HAPSTR1: variants seen among roughly 807,000 people sequenced by gnomAD.
HAPSTR1 encodes HUWE1 associated protein modifying stress responses.
chr16:9,114,404 TAA>T, the HAPSTR1 span, among the ~76,000 whole-genome samples: 56 of 151,802 alleles, frequency 3.7e-4, no homozygotes, highest in African/African-American at 1.3e-3. Flanking sequence ...AGCAGGAAAC[TAA>T]AATGGAGAGG....
the HAPSTR1 span, chr16:9,112,189 C>T: frequency 6.6e-6 from 1 of 152,180 alleles, no homozygotes; most frequent in Non-Finnish European, 1.5e-5. Context: ...TCCCCTGGTA[C>T]ATCTTAAACA....
the HAPSTR1 span, among the ~76,000 whole-genome samples, chr16:9,097,036 T>G: frequency 6.6e-6 from 1 of 151,788 alleles, no homozygotes; most frequent in Non-Finnish European, 1.5e-5. Context: ...GCCTCCCTGG[T>G]TCAAGCGATT....
chr16:9,104,919 G>T, the HAPSTR1 span: 2 of 152,176 alleles, frequency 1.3e-5, no homozygotes, highest in Non-Finnish European at 2.9e-5. Context: ...TTTATTAAGA[G>T]GGTTGTGGGT....
the HAPSTR1 span, chr16:9,117,238 A>T: frequency 4.2e-6 from 1 of 237,276 alleles, no homozygotes; most frequent in Non-Finnish European, 8.2e-6. Context: ...GAAATATCAG[A>T]TGTTTATTTG....
At chr16:9,100,549 T>C in the HAPSTR1 span, among the ~76,000 whole-genome samples, 1 of 152,188 alleles carries the variant, frequency 6.6e-6, no homozygotes, top group Non-Finnish European at 1.5e-5. Context: ...ATCTTTTTTT[T>C]TTGAGAGAGA....
the HAPSTR1 span, among the ~76,000 whole-genome samples, chr16:9,113,401 T>A: frequency 6.6e-6 from 1 of 152,218 alleles, no homozygotes; most frequent in African/African-American, 2.4e-5. Context: ...ACCAAATTGA[T>A]GTTTAACACA....
chr16:9,092,134 C>G, the HAPSTR1 span: 1 of 1,554,530 alleles, frequency 6.4e-7, no homozygotes, highest in South Asian at 1.2e-5. Context: ...AGTGCCTGGC[C>G]GAGGCCGAAC....
chr16:9,102,901 A>C, the HAPSTR1 span: 1 of 1,429,886 alleles, frequency 7.0e-7, no homozygotes, highest in South Asian at 1.3e-5. Flanking sequence ...CACTTTGGTT[A>C]AATTGTAAAA....
the HAPSTR1 span, among the ~76,000 whole-genome samples, chr16:9,094,420 T>A: frequency 6.6e-6 from 1 of 151,534 alleles, no homozygotes; most frequent in Non-Finnish European, 1.5e-5. Context: ...AATACTTAAT[T>A]AAAAAAAAGG....
At chr16:9,097,269 G>T in the HAPSTR1 span, among the ~76,000 whole-genome samples, 3 of 150,730 alleles carry the variant, frequency 2.0e-5, no homozygotes, top group Non-Finnish European at 4.4e-5. Flanking sequence ...TTGAGACAGG[G>T]TCTCATTCTG....
At chr16:9,092,744 C>A in the HAPSTR1 span, among the ~76,000 whole-genome samples, 27 of 152,074 alleles carry the variant, frequency 1.8e-4, no homozygotes, top group Admixed American at 1.5e-3. Context: ...ACCTCCCTGC[C>A]CCCCCGGTCC....
At chr16:9,091,703 A>G in the HAPSTR1 span, 102 of 399,838 alleles carry the variant, frequency 2.6e-4, no homozygotes, top group African/African-American at 2.0e-3. Context: ...CTCGGCGATC[A>G]GCGGCGGCGG....
the HAPSTR1 span, chr16:9,103,088 A>C: frequency 6.2e-7 from 1 of 1,614,192 alleles, no homozygotes. Context: ...CAGAAGAACT[A>C]TTCGTCGAGA....
At chr16:9,113,342 C>T in the HAPSTR1 span, among the ~76,000 whole-genome samples, 2 of 151,904 alleles carry the variant, frequency 1.3e-5, no homozygotes, top group Non-Finnish European at 2.9e-5. Context: ...AGGTCATACA[C>T]CCAGTAGAAA....
At chr16:9,114,075 T>C in the HAPSTR1 span, among the ~76,000 whole-genome samples, 1 of 152,352 alleles carries the variant, frequency 6.6e-6, no homozygotes, top group African/African-American at 2.4e-5. Flanking sequence ...GACGGTTGAT[T>C]GTACCATGCT....
At chr16:9,092,387 C>T in the HAPSTR1 span, 5 of 957,094 alleles carry the variant, frequency 5.2e-6, no homozygotes, top group Admixed American at 9.1e-5. Flanking sequence ...CTCGGGGATC[C>T]CGGCCGGTGG....
chr16:9,103,540 T>A, the HAPSTR1 span: 2 of 327,442 alleles, frequency 6.1e-6, no homozygotes, highest in Non-Finnish European at 1.1e-5. Flanking sequence ...GCTTTACACT[T>A]ATGTGTTGTA....
At chr16:9,093,126 T>G in the HAPSTR1 span, 1 of 960,142 alleles carries the variant, frequency 1.0e-6, no homozygotes, top group Non-Finnish European at 1.6e-6. Context: ...CCTTGCAACT[T>G]GAGAATCGCG....
At chr16:9,095,031 A>G in the HAPSTR1 span, among the ~76,000 whole-genome samples, 1 of 152,220 alleles carries the variant, frequency 6.6e-6, no homozygotes, top group African/African-American at 2.4e-5. Flanking sequence ...TGCTCAGAAA[A>G]CTTAAGGAGG....
Sources: allele counts gnomAD v4.1 joint callset (sites outside exome capture counted in the v4.1 genomes callset), GRCh38; gene constraint gnomAD v4.1.1; transcripts MANE v1.5; gene names NCBI Gene and HGNC (gene_info 2026-07-23, HGNC 2026-07-21).